AGBL4: variants seen among roughly 807,000 people sequenced by gnomAD.
AGBL4 encodes AGBL carboxypeptidase 4.
In AGBL4, 58 loss-of-function variants were observed where a neutral mutation model predicts 66.4. The observed-to-expected ratio is 0.87, with a 90% CI of 0.71 to 1.09. The LOEUF (loss-of-function observed/expected upper bound fraction) is 1.09, where lower values mean the gene tolerates loss of function less well. Among genes scored for constraint, AGBL4 ranks in the 50% least tolerant of loss-of-function variants. The probability of loss-of-function intolerance (pLI) is 0.00; values close to 1 mark genes in which losing one functional copy is unlikely to be tolerated. For missense variants in AGBL4, 579 were observed against 631.0 expected, an observed-to-expected ratio of 0.92 and a Z score of 0.88; for synonymous variants, 234 against 222.9, an observed-to-expected ratio of 1.05 and a Z score of -0.44.
chr1:49,427,599 C>T (rs1450562506), intron 3 of AGBL4, among the ~76,000 whole-genome samples: 9 of 152,060 alleles, frequency 5.9e-5, no homozygotes, highest in Admixed American at 5.2e-4. Flanking sequence ...TCCGGAGTTT[C>T]TTCCTTCCGG....
chr1:49,970,708 A>C lies in AGBL4; in HGVS notation c.34+53055T>G, dbSNP rs867075566. On this transcript the variant is annotated intron_variant, in intron 1 of 13. Transcript: ENST00000371839. ...ACGACTCCGACTCAAAAAAAAACAA[A>C]ACACACACACACACACACACACACA... 2.1e-3 allele frequency among the ~76,000 whole-genome samples: 238 copies of C among 114,002 alleles called. 3 individuals are homozygous for C. The highest frequency in any genetic ancestry group is 7.5e-3 in the African/African-American group (230 of 30,852). 74.8% of individuals were successfully genotyped at this position (114,002 alleles called of 152,430 possible).
At chr1:49,220,801 C>T (rs1649435712) in intron 4 of AGBL4, among the ~76,000 whole-genome samples, 1 of 152,134 alleles carries the variant, frequency 6.6e-6, no homozygotes, top group Non-Finnish European at 1.5e-5. Context: ...CTTTCAGAGG[C>T]TCTGCTTCTT....
intron 2 of AGBL4, among the ~76,000 whole-genome samples, chr1:49,807,067 C>A (rs1435654872): frequency 6.6e-6 from 1 of 152,170 alleles, no homozygotes; most frequent in African/African-American, 2.4e-5. Flanking sequence ...GGCATGCAAT[C>A]CAGGCAGAGT....
At chr1:49,862,504 A>G (rs1432679127) in intron 1 of AGBL4, among the ~76,000 whole-genome samples, 2 of 152,144 alleles carry the variant, frequency 1.3e-5, no homozygotes, top group African/African-American at 4.8e-5. Context: ...AACTTCCCAA[A>G]CCTGGAGAAA....
chr1:49,551,880 T>C (rs539133292), intron 3 of AGBL4, among the ~76,000 whole-genome samples: 27 of 152,186 alleles, frequency 1.8e-4, no homozygotes, highest in African/African-American at 6.0e-4. Flanking sequence ...CCCTTTGTCT[T>C]TAGTTACCAG....
chr1:48,863,264 G>A (rs2148820338), intron 6 of AGBL4, among the ~76,000 whole-genome samples: 1 of 152,002 alleles, frequency 6.6e-6, no homozygotes, highest in East Asian at 1.9e-4. Flanking sequence ...GTTAAGGTTA[G>A]AAATAAAATA....
At chr1:48,943,151 G>A (rs560999873) in intron 5 of AGBL4, among the ~76,000 whole-genome samples, 96 of 152,252 alleles carry the variant, frequency 6.3e-4, no homozygotes, top group African/African-American at 2.1e-3. Context: ...GTCTGCAGCC[G>A]CATGCACCAC....
intron 3 of AGBL4, among the ~76,000 whole-genome samples, chr1:49,308,758 G>T (rs1375840694): frequency 6.6e-6 from 1 of 152,134 alleles, no homozygotes; most frequent in Non-Finnish European, 1.5e-5. Context: ...GGAATTATAG[G>T]ATGTAGTCTG....
chr1:49,063,595 G>C (rs1644440219), intron 4 of AGBL4, among the ~76,000 whole-genome samples: 1 of 152,152 alleles, frequency 6.6e-6, no homozygotes, highest in Non-Finnish European at 1.5e-5. Flanking sequence ...ATAAAACAAG[G>C]TTTCTGTTTT....
chr1:48,679,226 C>T (rs1376058949), intron 6 of AGBL4, among the ~76,000 whole-genome samples: 1 of 152,212 alleles, frequency 6.6e-6, no homozygotes, highest in African/African-American at 2.4e-5. Flanking sequence ...AAGGCCTGTG[C>T]ATAGACACTG....
At chr1:49,968,722 T>C (rs919791923) in intron 1 of AGBL4, among the ~76,000 whole-genome samples, 5 of 152,178 alleles carry the variant, frequency 3.3e-5, no homozygotes, top group South Asian at 2.1e-4. Context: ...CATTCTATTG[T>C]CCATTTTTTC....
intron 3 of AGBL4, among the ~76,000 whole-genome samples, chr1:49,435,435 A>G (rs1170705827): frequency 6.6e-6 from 1 of 152,192 alleles, no homozygotes; most frequent in Non-Finnish European, 1.5e-5. Flanking sequence ...GTGTGATGCA[A>G]TAACTATTTG....
At chr1:48,563,847 T>C (rs1210821864) in intron 11 of AGBL4, among the ~76,000 whole-genome samples, 1 of 152,150 alleles carries the variant, frequency 6.6e-6, no homozygotes, top group African/African-American at 2.4e-5. Flanking sequence ...TGTAGTGGAA[T>C]TCAAAAGAGG....
intron 2 of AGBL4, among the ~76,000 whole-genome samples, chr1:49,727,546 A>T (rs1389488770): frequency 6.6e-6 from 1 of 152,190 alleles, no homozygotes; most frequent in East Asian, 1.9e-4. Flanking sequence ...GTTTGAAAAT[A>T]TCTATTGAAA....
intron 9 of AGBL4, among the ~76,000 whole-genome samples, chr1:48,609,680 C>A (rs1255301931): frequency 6.6e-6 from 1 of 152,200 alleles, no homozygotes; most frequent in East Asian, 1.9e-4. Flanking sequence ...ACCTCAGCCT[C>A]CCAAAGTGCT....
At chr1:49,348,309 T>G (rs1187044578) in intron 3 of AGBL4, among the ~76,000 whole-genome samples, 1 of 151,668 alleles carries the variant, frequency 6.6e-6, no homozygotes, top group African/African-American at 2.4e-5. Context: ...TCCCAGCTAC[T>G]GGGTAGGCTG....
chr1:49,949,959 C>CATAT (rs201017766), intron 1 of AGBL4, among the ~76,000 whole-genome samples: 15 of 141,596 alleles, frequency 1.1e-4, no homozygotes, highest in African/African-American at 3.4e-4. Flanking sequence ...ACCCAAATGC[C>CATAT]ATATATATAT....
chr1:49,810,399 C>G (rs2147968488), intron 2 of AGBL4, among the ~76,000 whole-genome samples: 1 of 152,148 alleles, frequency 6.6e-6, no homozygotes, highest in Admixed American at 6.6e-5. Context: ...TCTAAAAGAA[C>G]AGTTTAAACA....
At chr1:49,063,415 A>T (rs968255192) in intron 4 of AGBL4, among the ~76,000 whole-genome samples, 2 of 152,160 alleles carry the variant, frequency 1.3e-5, no homozygotes, top group Non-Finnish European at 2.9e-5. Context: ...ATCTGGCTCA[A>T]TGTTTTTTAT....
Sources: allele counts gnomAD v4.1 joint callset (sites outside exome capture counted in the v4.1 genomes callset), GRCh38; gene constraint gnomAD v4.1.1; transcripts MANE v1.5; gene names NCBI Gene and HGNC (gene_info 2026-07-23, HGNC 2026-07-21).